The following XKR4 variants were observed in gnomAD, a reference collection of about 807,000 sequenced individuals.
XKR4 encodes XK related 4.
A neutral mutation model predicts 53.9 loss-of-function variants in XKR4; 12 were observed. The ratio of observed to expected loss-of-function variants is 0.22; its 90% CI spans 0.14 to 0.36. The LOEUF is 0.36. XKR4 is among the 10% of genes least tolerant of loss of function. The pLI is 1.00. For missense variants in XKR4, 799 were observed against 859.5 expected (o/e 0.93, Z 0.88); for synonymous variants, 354 against 362.4 (o/e 0.98, Z 0.26).
intron 1 of XKR4, among the ~76,000 whole-genome samples, chr8:55,311,516 T>C (rs985460326): frequency 1.3e-5 from 2 of 151,990 alleles, no homozygotes; most frequent in African/African-American, 4.8e-5. Context: ...GGCTAGAAGG[T>C]GAGGGGAACC....
rs1485375791 is a variant in XKR4 at position 55,538,294 on chromosome 8, C to T, written c.*14067C>T. The T allele has an allele frequency of 6.6e-6, 1 of 152,144 alleles. No homozygotes were observed. 9.4% of individuals were successfully genotyped at this position (152,144 alleles called of 1,614,324 possible). ...AAAAGAGAGATATTTATTTACCTAC[C>T]TCATAGGGGTGTTGTGGAGATTAGC... On this transcript the variant is annotated 3_prime_UTR_variant, in exon 3 of 3. Transcript: ENST00000327381.
chr8:55,433,958 G>A lies in XKR4; in HGVS notation c.1006+76081G>A, dbSNP rs76547967. ...GAGGTGGAAGGATTGCTTCATAGCC[G>A]AGGAGACTGAGGTTGCAGTGAGCTG... is the stretch of plus-strand genomic sequence containing the variant. On this transcript the variant is annotated intron_variant, in intron 2 of 2. Transcript: ENST00000327381. Among the ~76,000 whole-genome samples, 1,332 of 152,254 alleles carry A rather than the reference G, an allele frequency of 8.7e-3. 17 individuals carry two copies. The highest frequency in any genetic ancestry group is 0.03 in the African/African-American group (1,260 of 41,542).
chr8:55,166,311 C>T (rs1345786859), intron 1 of XKR4, among the ~76,000 whole-genome samples: 1 of 152,144 alleles, frequency 6.6e-6, no homozygotes, highest in East Asian at 1.9e-4. Flanking sequence ...AGAGAAGTTC[C>T]AGCACCATCC....
intron 2 of XKR4, among the ~76,000 whole-genome samples, chr8:55,404,190 A>G (rs182203421): frequency 7.2e-4 from 109 of 152,308 alleles, no homozygotes; most frequent in Non-Finnish European, 2.9e-4. Flanking sequence ...ACGAGGGATA[A>G]ATGTGTATGT....
intron 1 of XKR4, among the ~76,000 whole-genome samples, chr8:55,131,606 C>T (rs775211669): frequency 6.6e-6 from 1 of 152,184 alleles, no homozygotes; most frequent in African/African-American, 2.4e-5. Flanking sequence ...ATCCCCTGAA[C>T]TGAGTGGAGT....
chr8:55,306,589 C>A (rs1318437455), intron 1 of XKR4, among the ~76,000 whole-genome samples: 3 of 152,138 alleles, frequency 2.0e-5, no homozygotes, highest in Admixed American at 1.3e-4. Flanking sequence ...AAGAAAACTC[C>A]CACTTATAGT....
intron 2 of XKR4, among the ~76,000 whole-genome samples, chr8:55,520,590 T>C (rs938041981): frequency 6.6e-6 from 1 of 152,144 alleles, no homozygotes; most frequent in African/African-American, 2.4e-5. Context: ...AAAATCATCA[T>C]CATCATCATC....
intron 2 of XKR4, among the ~76,000 whole-genome samples, chr8:55,491,622 G>GC (rs1806273191): frequency 8.6e-6 from 1 of 116,120 alleles, no homozygotes; most frequent in Non-Finnish European, 1.8e-5. Context: ...TTATGTCTTT[G>GC]GGGGTTTGTT....
intron 2 of XKR4, among the ~76,000 whole-genome samples, chr8:55,400,836 T>C (rs1410643758): frequency 6.6e-6 from 1 of 152,192 alleles, no homozygotes; most frequent in Non-Finnish European, 1.5e-5. Flanking sequence ...TGCCTGCCTG[T>C]CTGCTGCCCT....
Position 55,317,437 on chromosome 8 carries a change from T to TG in XKR4, c.807-40240dup, listed in dbSNP as rs537146686. On this transcript the variant is annotated intron_variant, in intron 1 of 2. Coordinates refer to ENST00000327381, the MANE Select transcript of XKR4 (RefSeq NM_052898.2). ...GTCTATGTTTTTTGGGGTAAAGCTT[T>TG]GATAAATTAAAATACCTCCTCACAT... 8.0e-3 allele frequency among the ~76,000 whole-genome samples: 1,219 copies of TG among 152,316 alleles called. 10 individuals carry two copies. Among genetic ancestry groups the TG allele is most frequent in the Non-Finnish European group, 6.9e-3 (469 of 68,034 alleles).
chr8:55,450,931 C>T, intron 2 of XKR4: 1 of 489,432 alleles, frequency 2.0e-6, no homozygotes, highest in South Asian at 1.9e-5. Flanking sequence ...CACTCTGAGT[C>T]CTCCAGCAAG....
chr8:55,389,651 G>A (rs1226435355), intron 2 of XKR4, among the ~76,000 whole-genome samples: 1 of 152,138 alleles, frequency 6.6e-6, no homozygotes, highest in East Asian at 1.9e-4. Context: ...ATCTCCTGTA[G>A]CCTCTACTCC....
At chr8:55,519,031 G>A (rs763395747) in intron 2 of XKR4, among the ~76,000 whole-genome samples, 3 of 152,238 alleles carry the variant, frequency 2.0e-5, no homozygotes, top group South Asian at 2.1e-4. Flanking sequence ...AACTGTTAGC[G>A]CCCTTGTTTA....
intron 2 of XKR4, among the ~76,000 whole-genome samples, chr8:55,438,608 G>A (rs72645666): frequency 0.4 from 47,112 of 117,106 alleles, 9,231 homozygotes; most frequent in African/African-American, 0.55. Context: ...AAAAAAAAAA[G>A]AGAGAGAGAC....
chr8:55,267,920 T>C (rs79674742), intron 1 of XKR4, among the ~76,000 whole-genome samples: 7 of 152,172 alleles, frequency 4.6e-5, no homozygotes, highest in African/African-American at 1.2e-4. Flanking sequence ...TTTGTGGTGA[T>C]GTATAAACTG....
At chr8:55,492,873 A>C (rs537693404) in intron 2 of XKR4, among the ~76,000 whole-genome samples, 1 of 152,326 alleles carries the variant, frequency 6.6e-6, no homozygotes, top group African/African-American at 2.4e-5. Context: ...TCAAACTTGC[A>C]GCCATAACAT....
At chr8:55,164,326 A>G (rs2291184) in intron 1 of XKR4, 162,401 of 454,302 alleles carry the variant, frequency 0.36, 31,920 homozygotes, top group African/African-American at 0.64. Context: ...TGCTATTTGG[A>G]GGGTGAGATG....
At chr8:55,348,335 C>T (rs2129383196) in intron 1 of XKR4, among the ~76,000 whole-genome samples, 1 of 152,308 alleles carries the variant, frequency 6.6e-6, no homozygotes, top group Non-Finnish European at 1.5e-5. Flanking sequence ...GGCACATCCT[C>T]CCATCTAATC....
At chr8:55,380,869 A>G (rs1804221779) in intron 2 of XKR4, among the ~76,000 whole-genome samples, 1 of 152,258 alleles carries the variant, frequency 6.6e-6, no homozygotes, top group Non-Finnish European at 1.5e-5. Flanking sequence ...TGATGTATGC[A>G]TTTGATAAAA....
Sources: gnomAD v4.1 joint callset for allele counts (sites outside exome capture counted in the v4.1 genomes callset) on GRCh38, gnomAD v4.1.1 for gene constraint, MANE v1.5 for transcripts, NCBI Gene and HGNC (gene_info 2026-07-23, HGNC 2026-07-21) for gene names.